The following HS3ST4 variants were observed in gnomAD, a reference collection of about 807,000 sequenced individuals.
HS3ST4 encodes heparan sulfate glucosamine 3-O-sulfotransferase 4.
A neutral mutation model predicts 29.2 loss-of-function variants in HS3ST4; 17 were observed. The ratio of observed to expected loss-of-function variants is 0.58; its 90% CI spans 0.40 to 0.87. HS3ST4 has a LOEUF of 0.87. HS3ST4 is among the 40% of genes least tolerant of loss of function. HS3ST4 has a pLI of 0.00. For missense variants in HS3ST4, 627 were observed against 634.5 expected (o/e 0.99, Z 0.13); for synonymous variants, 314 against 285.7 (o/e 1.10, Z -1.00).
At chr16:26,132,843 C>G (rs2141817010) in intron 1 of HS3ST4, among the ~76,000 whole-genome samples, 1 of 152,230 alleles carries the variant, frequency 6.6e-6, no homozygotes, top group South Asian at 2.1e-4. Context: ...ATAAAAATAG[C>G]TATTTTCAGG....
intron 1 of HS3ST4, among the ~76,000 whole-genome samples, chr16:26,057,381 C>T (rs1160049385): frequency 2.0e-5 from 3 of 152,146 alleles, no homozygotes; most frequent in Non-Finnish European, 2.9e-5. Context: ...AGGATCATCC[C>T]CACCTACTGA....
intron 1 of HS3ST4, among the ~76,000 whole-genome samples, chr16:25,823,979 T>C (rs1162373844): frequency 1.3e-5 from 2 of 152,166 alleles, no homozygotes; most frequent in East Asian, 1.9e-4. Context: ...AATAAAGTGA[T>C]GTGAAGTCTG....
At chr16:26,008,246 T>G (rs1969276088) in intron 1 of HS3ST4, among the ~76,000 whole-genome samples, 1 of 152,184 alleles carries the variant, frequency 6.6e-6, no homozygotes, top group African/African-American at 2.4e-5. Context: ...ACAAAGGAGA[T>G]CTGGCTAGGA....
At chr16:25,828,168 TTC>T (rs546161929) in intron 1 of HS3ST4, among the ~76,000 whole-genome samples, 6 of 141,468 alleles carry the variant, frequency 4.2e-5, no homozygotes, top group South Asian at 2.6e-4. Flanking sequence ...TTTCCTTCCT[TTC>T]TCTCTCTCTT....
intron 1 of HS3ST4, among the ~76,000 whole-genome samples, chr16:26,081,585 G>A (rs574590673): frequency 3.3e-5 from 5 of 152,208 alleles, no homozygotes; most frequent in African/African-American, 1.2e-4. Flanking sequence ...TCACTGTGGG[G>A]CATAAAACTC....
At chr16:25,999,967 T>C (rs1049540513) in intron 1 of HS3ST4, among the ~76,000 whole-genome samples, 13 of 147,806 alleles carry the variant, frequency 8.8e-5, no homozygotes, top group African/African-American at 3.0e-4. Context: ...TGTACTGCAA[T>C]GTATGAGTTT....
chr16:25,793,118 AAT>A (rs1567240994), intron 1 of HS3ST4, among the ~76,000 whole-genome samples: 1 of 151,848 alleles, frequency 6.6e-6, no homozygotes, highest in Non-Finnish European at 1.5e-5. Context: ...GCTTAATTCT[AAT>A]ATAATCAAAT....
intron 1 of HS3ST4, among the ~76,000 whole-genome samples, chr16:25,838,460 T>C (rs1451700175): frequency 6.6e-6 from 1 of 152,252 alleles, no homozygotes; most frequent in Non-Finnish European, 1.5e-5. Context: ...CTCAGTCTAA[T>C]GGCAGAAAAC....
intron 1 of HS3ST4, among the ~76,000 whole-genome samples, chr16:25,824,040 C>T (rs527511959): frequency 9.2e-5 from 14 of 152,248 alleles, no homozygotes; most frequent in African/African-American, 3.4e-4. Flanking sequence ...CTGTGCCTGG[C>T]AACAGTGTGA....
intron 1 of HS3ST4, chr16:25,824,565 A>G (rs1231797202): frequency 1.3e-5 from 2 of 152,176 alleles, no homozygotes; most frequent in Non-Finnish European, 2.9e-5. Context: ...CACTATCAAG[A>G]GAACAGCATG....
At chr16:26,047,551 G>A (rs1484692883) in intron 1 of HS3ST4, among the ~76,000 whole-genome samples, 1 of 152,118 alleles carries the variant, frequency 6.6e-6, no homozygotes, top group African/African-American at 2.4e-5. Context: ...TATCAACCCT[G>A]CTTTCCAGGT....
intron 1 of HS3ST4, among the ~76,000 whole-genome samples, chr16:26,013,306 T>G (rs562369493): frequency 2.6e-5 from 4 of 152,216 alleles, no homozygotes; most frequent in Non-Finnish European, 5.9e-5. Flanking sequence ...GTTTTACCAC[T>G]TAAGAGCTGT....
intron 1 of HS3ST4, among the ~76,000 whole-genome samples, chr16:25,710,101 A>G (rs1475767552): frequency 6.6e-6 from 1 of 152,200 alleles, no homozygotes; most frequent in Non-Finnish European, 1.5e-5. Flanking sequence ...CTCACAATAT[A>G]GAATTAAGTG....
intron 1 of HS3ST4, among the ~76,000 whole-genome samples, chr16:25,921,897 G>A (rs1282646121): frequency 6.6e-6 from 1 of 152,052 alleles, no homozygotes; most frequent in East Asian, 1.9e-4. Context: ...TGGGACTACA[G>A]GCATGTGCTG....
intron 1 of HS3ST4, among the ~76,000 whole-genome samples, chr16:25,901,759 C>T (rs1349317702): frequency 6.6e-6 from 1 of 152,218 alleles, no homozygotes; most frequent in Non-Finnish European, 1.5e-5. Context: ...TTTCCTCAAG[C>T]TACCTACTGC....
intron 1 of HS3ST4, among the ~76,000 whole-genome samples, chr16:25,833,447 G>T (rs1037584717): frequency 4.6e-5 from 7 of 152,134 alleles, no homozygotes; most frequent in African/African-American, 1.7e-4. Context: ...AAGAATTGTA[G>T]TATTCATACC....
At chr16:25,770,907 C>G (rs1460728560) in intron 1 of HS3ST4, among the ~76,000 whole-genome samples, 1 of 152,110 alleles carries the variant, frequency 6.6e-6, no homozygotes, top group Admixed American at 6.5e-5. Flanking sequence ...GTGTTTTATA[C>G]ACATTGTCAC....
chr16:26,053,358 T>C (rs998231154), intron 1 of HS3ST4, among the ~76,000 whole-genome samples: 1 of 152,222 alleles, frequency 6.6e-6, no homozygotes, highest in Admixed American at 6.5e-5. Flanking sequence ...AATTATTATT[T>C]AGCATGCACC....
intron 1 of HS3ST4, among the ~76,000 whole-genome samples, chr16:25,920,744 G>C (rs930882824): frequency 6.6e-6 from 1 of 151,742 alleles, no homozygotes; most frequent in African/African-American, 2.4e-5. Context: ...TGGGACTACA[G>C]GCATGCACCA....
Sources: gnomAD v4.1 joint callset for allele counts (sites outside exome capture counted in the v4.1 genomes callset) on GRCh38, gnomAD v4.1.1 for gene constraint, MANE v1.5 for transcripts, NCBI Gene and HGNC (gene_info 2026-07-23, HGNC 2026-07-21) for gene names.